CATSPERT: variants seen among roughly 807,000 people sequenced by gnomAD.
The protein encoded by CATSPERT is cation channel sperm-associated targeting subunit tau.
the CATSPERT span, among the ~76,000 whole-genome samples, chr2:201,511,433 T>C: frequency 6.6e-6 from 1 of 152,158 alleles, no homozygotes; most frequent in South Asian, 2.1e-4. Flanking sequence ...CTGCCCAAAG[T>C]TATAGGACCA....
the CATSPERT span, among the ~76,000 whole-genome samples, chr2:201,488,432 C>G: frequency 6.6e-6 from 1 of 152,048 alleles, no homozygotes; most frequent in Non-Finnish European, 1.5e-5. Context: ...GTGTGCCACA[C>G]CCAAGAATAT....
chr2:201,575,857 G>T, the CATSPERT span, among the ~76,000 whole-genome samples: 4 of 152,124 alleles, frequency 2.6e-5, no homozygotes, highest in Non-Finnish European at 5.9e-5. Context: ...CCCCATGCTG[G>T]TCTGTGGAAA....
the CATSPERT span, chr2:201,534,579 C>T: frequency 1.0e-6 from 1 of 983,368 alleles, no homozygotes; most frequent in African/African-American, 1.8e-5. Context: ...CATGATCTGT[C>T]TACTCATAGC....
At chr2:201,503,066 A>AT in the CATSPERT span, among the ~76,000 whole-genome samples, 1,307 of 151,806 alleles carry the variant, frequency 8.6e-3, 22 homozygotes, top group East Asian at 0.031. Context: ...TATACCCTCT[A>AT]TTTTTTTCCT....
the CATSPERT span, chr2:201,604,845 T>C: frequency 8.6e-3 from 3,733 of 436,322 alleles, 90 homozygotes; most frequent in African/African-American, 0.054. Flanking sequence ...CTCATCCCTA[T>C]CCTCAATAAG....
chr2:201,534,404 G>C, the CATSPERT span: 1 of 984,526 alleles, frequency 1.0e-6, no homozygotes, highest in Middle Eastern at 5.2e-4. Context: ...CTTATCAAGT[G>C]AAAGTTGAAT....
chr2:201,601,899 A>T, the CATSPERT span: 54 of 1,548,774 alleles, frequency 3.5e-5, 1 homozygote, highest in South Asian at 5.6e-4. Flanking sequence ...AAATAGAATG[A>T]TATTCAGGAA....
the CATSPERT span, among the ~76,000 whole-genome samples, chr2:201,518,381 A>C: frequency 1.4e-3 from 219 of 152,328 alleles, no homozygotes; most frequent in African/African-American, 5.1e-3. Flanking sequence ...CACGGTAACT[A>C]CCACATTCAT....
the CATSPERT span, among the ~76,000 whole-genome samples, chr2:201,598,398 CTCAG>C: frequency 2.5e-4 from 38 of 152,030 alleles, no homozygotes; most frequent in African/African-American, 7.7e-4. Context: ...AGCCACTATG[CTCAG>C]TCAATCACAT....
the CATSPERT span, among the ~76,000 whole-genome samples, chr2:201,606,693 G>A: frequency 0.42 from 63,461 of 151,800 alleles, 13,680 homozygotes; most frequent in East Asian, 0.63. Context: ...GAGGCCAGGA[G>A]TTTGAGACCA....
the CATSPERT span, chr2:201,491,919 C>G: frequency 6.5e-7 from 1 of 1,536,844 alleles, no homozygotes; most frequent in East Asian, 2.4e-5. Flanking sequence ...GTTTCTTAAG[C>G]AGTATATCTG....
the CATSPERT span, chr2:201,493,771 C>T: frequency 6.5e-7 from 1 of 1,536,962 alleles, no homozygotes; most frequent in East Asian, 2.4e-5. Context: ...TACAGTGCCA[C>T]TTGAACCTGA....
the CATSPERT span, chr2:201,492,103 T>C: frequency 3.9e-6 from 6 of 1,526,464 alleles, no homozygotes; most frequent in East Asian, 1.5e-4. Flanking sequence ...TTTCTTTTCT[T>C]TCTCTCGAAT....
chr2:201,592,448 T>C, the CATSPERT span, among the ~76,000 whole-genome samples: 2 of 148,792 alleles, frequency 1.3e-5, no homozygotes, highest in Non-Finnish European at 3.0e-5. Context: ...TTCTCTTTTT[T>C]GGTTGTGTCT....
the CATSPERT span, among the ~76,000 whole-genome samples, chr2:201,515,614 G>T: frequency 6.6e-6 from 1 of 152,106 alleles, no homozygotes; most frequent in Non-Finnish European, 1.5e-5. Flanking sequence ...AAAACTTACT[G>T]TCTGGGAGAA....
At chr2:201,525,362 G>C in the CATSPERT span, among the ~76,000 whole-genome samples, 14 of 152,050 alleles carry the variant, frequency 9.2e-5, 1 homozygote, top group East Asian at 2.5e-3. Flanking sequence ...ATGACTTTTG[G>C]GTAAATAATG....
chr2:201,514,881 A>G, the CATSPERT span, among the ~76,000 whole-genome samples: 43,473 of 152,072 alleles, frequency 0.29, 6,585 homozygotes, highest in Admixed American at 0.38. Flanking sequence ...CAGGGCCCCA[A>G]CTGAACCAGT....
chr2:201,583,080 G>A, the CATSPERT span, among the ~76,000 whole-genome samples: 1 of 152,278 alleles, frequency 6.6e-6, no homozygotes, highest in Admixed American at 6.5e-5. Flanking sequence ...GCAAAACAGG[G>A]TTAATAAAAT....
the CATSPERT span, among the ~76,000 whole-genome samples, chr2:201,515,221 T>TAG: frequency 1.8e-3 from 102 of 57,706 alleles, 16 homozygotes; most frequent in Admixed American, 2.2e-3. Context: ...TTTTTTTTTT[T>TAG]TTTTTTTTTT....
Sources: gnomAD v4.1 joint callset for allele counts (sites outside exome capture counted in the v4.1 genomes callset) on GRCh38, gnomAD v4.1.1 for gene constraint, MANE v1.5 for transcripts, NCBI Gene and HGNC (gene_info 2026-07-23, HGNC 2026-07-21) for gene names.